The following SP2 variants were observed in gnomAD, a reference collection of about 807,000 sequenced individuals.
SP2 encodes Sp2 transcription factor.
Under a neutral mutation model 50.1 loss-of-function variants are expected in SP2, and 9 were observed. The observed-to-expected ratio is 0.18, with a 90% CI of 0.11 to 0.31. The LOEUF (loss-of-function observed/expected upper bound fraction) is 0.31. SP2 is among the 10% of genes least tolerant of loss of function. SP2 has a pLI of 1.00. For synonymous variants in SP2, 313 were observed against 326.6 expected, an observed-to-expected ratio of 0.96 and a Z score of 0.45; for missense variants, 581 against 806.5, an observed-to-expected ratio of 0.72 and a Z score of 3.39.
At chr17:47,903,401 C>T (rs932837068) in intron 1 of SP2, among the ~76,000 whole-genome samples, 3 of 152,188 alleles carry the variant, frequency 2.0e-5, no homozygotes, top group Non-Finnish European at 4.4e-5. Context: ...CGCGGTGGCT[C>T]ACGCCTGTAA....
Position 47,904,144 on chromosome 17 carries a change from A to C in SP2, c.7+7851A>C, listed in dbSNP as rs181748958. Among the ~76,000 whole-genome samples, 1,457 of 151,440 alleles carry C rather than the reference A, an allele frequency of 9.6e-3. 22 individuals are homozygous for C. Among genetic ancestry groups the C allele is most frequent in the African/African-American group, 0.031 (1,271 of 41,278 alleles). On this transcript the variant is annotated intron_variant, in intron 1 of 6. Coordinates refer to ENST00000376741, the MANE Select transcript of SP2 (RefSeq NM_003110.6). ...GCCAGGTGTGGTGGCGGGCACCTGT[A>C]GTCCCAGCTACTCGGGAGGCTGAGG...
intron 1 of SP2, among the ~76,000 whole-genome samples, chr17:47,914,240 A>C (rs1168484626): frequency 1.3e-5 from 2 of 152,250 alleles, no homozygotes; most frequent in East Asian, 3.9e-4. Flanking sequence ...GCATGGTGGT[A>C]CATGCCTGTA....
rs2144078546 is a variant in SP2 at position 47,925,402 on chromosome 17, G to A, written c.1602G>A (p.Lys534=). 6.2e-7 allele frequency: 1 copy of A among 1,614,242 alleles called. No homozygotes were observed. Among genetic ancestry groups the A allele is most frequent in the South Asian group, 1.1e-5 (1 of 91,090 alleles). Residue 534 remains lysine, a synonymous_variant, in exon 6 of 7, where the codon AAG becomes AAA. Transcript: ENST00000376741. Reference sequence around the variant, plus strand: ...TGTGCCACATCCCCGACTGTGGCAAGACGTTCCGTAAGACGTCCTTGCTGC... The same window carrying A: ...TGTGCCACATCCCCGACTGTGGCAAAACGTTCCGTAAGACGTCCTTGCTGC... ...KHVCHIPDCG[K]TFRKTSLLRA...
At chr17:47,908,623 T>TG (rs1265638427) in intron 1 of SP2, 1 of 152,210 alleles carries the variant, frequency 6.6e-6, no homozygotes, top group Non-Finnish European at 1.5e-5. Flanking sequence ...GGCACGATCT[T>TG]GGCTCATTGC....
At chr17:47,907,352 A>G (rs1009999799) in intron 1 of SP2, among the ~76,000 whole-genome samples, 3 of 152,168 alleles carry the variant, frequency 2.0e-5, no homozygotes, top group South Asian at 2.1e-4. Flanking sequence ...TTGGTTTCCA[A>G]TATGGGAAAG....
chr17:47,908,542 T>C (rs1163309234), intron 1 of SP2: 1 of 152,162 alleles, frequency 6.6e-6, no homozygotes, highest in Non-Finnish European at 1.5e-5. Flanking sequence ...CACTGCACTT[T>C]CTTCCAGTGA....
intron 1 of SP2, chr17:47,897,814 G>A: frequency 2.0e-6 from 2 of 980,306 alleles, no homozygotes; most frequent in Non-Finnish European, 2.4e-6. Context: ...GTGCGATGAA[G>A]GGGGCGAATC....
chr17:47,919,825 C>CTTTTTTTTTTTTTTTTTTTT lies in SP2; in HGVS notation c.1059+2698_1059+2717dup, dbSNP rs141856390. Among the ~76,000 whole-genome samples the CTTTTTTTTTTTTTTTTTTTT allele has an allele frequency of 8.8e-4, 83 of 94,798 alleles. 4 individuals carry two copies. The highest frequency in any genetic ancestry group is 1.1e-3 in the Non-Finnish European group (56 of 52,994). The allele number at this position is 94,798 out of a possible 152,430, so 62.2% of individuals were successfully genotyped here. ...TTTGATCTGAAACACTTTGTCATTC[C>CTTTTTTTTTTTTTTTTTTTT]TTTTTTTTTTTTTTTTTTTTTTCTG... is the stretch of plus-strand genomic sequence containing the variant. On this transcript the variant is annotated intron_variant, in intron 3 of 6. Coordinates refer to ENST00000376741, the MANE Select transcript of SP2 (RefSeq NM_003110.6).
rs1189724864 is a variant in SP2, at chr17:47,896,249, C to T, written c.-38C>T. On this transcript the variant is annotated 5_prime_UTR_variant, in exon 1 of 7. Coordinates refer to ENST00000376741, the MANE Select transcript of SP2 (RefSeq NM_003110.6). ...GCGGGCGGTGTCAGGCTCTCGGTGGCGGCGGAGGCGGCGGAGGCCAGGGAG... is the reference window on the plus strand; with the variant it reads ...GCGGGCGGTGTCAGGCTCTCGGTGGTGGCGGAGGCGGCGGAGGCCAGGGAG... 8.1e-7 allele frequency: 1 copy of T among 1,235,960 alleles called. No homozygotes were observed. The highest frequency in any genetic ancestry group is 1.0e-6 in the Non-Finnish European group (1 of 987,656). The allele number at this position is 1,235,960 out of a possible 1,614,324, so 76.6% of individuals were successfully genotyped here.
intron 3 of SP2, among the ~76,000 whole-genome samples, 163 bp downstream of exon 3, chr17:47,917,293 C>T (rs994373150): frequency 3.9e-5 from 6 of 152,126 alleles, no homozygotes; most frequent in African/African-American, 1.4e-4. Context: ...AATGGGCTCT[C>T]TTTAGTTCAT....
intron 3 of SP2, among the ~76,000 whole-genome samples, chr17:47,919,087 T>C (rs1047206461): frequency 1.3e-5 from 2 of 151,942 alleles, no homozygotes; most frequent in African/African-American, 2.4e-5. Flanking sequence ...GGGGCACATA[T>C]CAGAAAACTG....
At chr17:47,927,673 G>T in intron 6 of SP2, 51 bp from the exon 7 acceptor site, 1 of 1,324,196 alleles carries the variant, frequency 7.6e-7, no homozygotes, top group Admixed American at 2.0e-5. Context: ...TTTGGGCAGA[G>T]ACAGGGTCTG....
intron 1 of SP2, chr17:47,897,358 G>T (rs1484973330): frequency 6.6e-6 from 1 of 152,194 alleles, no homozygotes; most frequent in East Asian, 1.9e-4. Flanking sequence ...CTTCATCCAA[G>T]GGGACTCAGT....
rs574430079 is a variant in SP2 at position 47,904,893 on chromosome 17, C to T, written c.7+8600C>T. ...CAAGCAATCCTCTCGCCTTGGCCTC[C>T]TAAGGAGCTGGGACTGCAGGCACAC... On this transcript the variant is annotated intron_variant, in intron 1 of 6. Transcript: ENST00000376741. Among the ~76,000 whole-genome samples the T allele has an allele frequency of 2.2e-3, 336 of 152,230 alleles. 1 individual carries two copies. The highest frequency in any genetic ancestry group is 7.8e-3 in the African/African-American group (322 of 41,526).
chr17:47,898,685 A>G (rs988674057), intron 1 of SP2: 9 of 152,246 alleles, frequency 5.9e-5, no homozygotes, highest in African/African-American at 2.2e-4. Flanking sequence ...ATTTTGGATC[A>G]GGTGGACAAT....
At position 47,917,072 on chromosome 17, in the gene SP2, T is replaced by G; in HGVS notation, c.1001T>G (p.Val334Gly). 6.2e-7 allele frequency: 1 copy of G among 1,613,628 alleles called. No individual in the cohort carries two copies. The highest frequency in any genetic ancestry group is 1.1e-5 in the South Asian group (1 of 91,068). ...GCGGCATCTGCCACCCTCCCCACTG[T>G]ACCCCAGAAGCCCTCCCAGAACTTT... Reference protein sequence around the residue: ...VQAASATLPTVPQKPSQNFQI... With the variant: ...VQAASATLPTGPQKPSQNFQI... The change falls in exon 3 of 7, where the codon GTA becomes GGA. Residue 334 changes from valine to glycine, a missense_variant. Val to Gly is a moderately radical substitution (Grantham distance 109, BLOSUM62 -3). Transcript: ENST00000376741.
Position 47,924,930 on chromosome 17 carries a change from C to A in SP2, c.1384C>A (p.Leu462Met), listed in dbSNP as rs778698435. The change falls in exon 5 of 7, where the codon CTG becomes ATG. Residue 462 changes from leucine (L) to methionine (M), a missense_variant. Around this residue, in one of 2 missense-constraint regions of SP2, gnomAD observed 184 missense variants for 315.5 expected, o/e 0.58. Transcript: ENST00000376741. ...CTTTGTCCCCACAGGGCAGCAGCAG[C>A]TGACAGTGCAGAATGTTTCTGGGAA... The part of the protein sequence containing the change: ...TITNTGGQQQ[L>M]TVQNVSGNNL... 5 of 1,601,216 alleles carry A rather than the reference C, an allele frequency of 3.1e-6. 1 individual carries two copies. In the Middle Eastern group the frequency reaches 5.0e-4, roughly 160 times the overall value.
In SP2 at chr17:47,896,240, T is replaced by C; in HGVS notation, c.-47T>C. On this transcript the variant is annotated 5_prime_UTR_variant, in exon 1 of 7. Transcript: ENST00000376741. ...GGTTGCTTGGCGGGCGGTGTCAGGCTCTCGGTGGCGGCGGAGGCGGCGGAG... is the reference window on the plus strand; with the variant it reads ...GGTTGCTTGGCGGGCGGTGTCAGGCCCTCGGTGGCGGCGGAGGCGGCGGAG... 1 of 1,239,090 alleles carries C rather than the reference T, an allele frequency of 8.1e-7. No homozygotes were observed. The highest frequency in any genetic ancestry group is 1.0e-6 in the Non-Finnish European group (1 of 989,140). 76.8% of individuals were successfully genotyped at this position (1,239,090 alleles called of 1,614,324 possible).
At chr17:47,901,302 C>A (rs1017037728) in intron 1 of SP2, among the ~76,000 whole-genome samples, 1 of 152,034 alleles carries the variant, frequency 6.6e-6, no homozygotes, top group Admixed American at 6.6e-5. Flanking sequence ...CACGTGCCAC[C>A]ACACCCAGCT....
Sources: gnomAD v4.1 joint callset for allele counts (sites outside exome capture counted in the v4.1 genomes callset) on GRCh38, gnomAD v4.1.1 for gene constraint, gnomAD v4.1.1 regional missense constraint, MANE v1.5 for transcripts, NCBI Gene and HGNC (gene_info 2026-07-23, HGNC 2026-07-21) for gene names.